Variants in KLHL29 observed in about 807,000 individuals in gnomAD.
The protein encoded by KLHL29 is kelch-like protein 29.
In KLHL29, 21 loss-of-function variants were observed where a neutral mutation model predicts 80.4. The ratio of observed to expected loss-of-function variants is 0.26; its 90% CI spans 0.19 to 0.38. The LOEUF is 0.38. KLHL29 is among the 10% of genes least tolerant of loss of function. KLHL29 has a pLI of 1.00. For synonymous variants in KLHL29, 511 were observed against 526.8 expected (o/e 0.97, Z 0.41); for missense variants, 867 against 1,223.9 (o/e 0.71, Z 4.35).
Position 23,539,431 on chromosome 2 carries a change from C to CTTTT in KLHL29, c.-45-22721_-45-22720insTTTT, listed in dbSNP as rs1666768797. 1.4e-4 allele frequency among the ~76,000 whole-genome samples: 15 copies of CTTTT among 107,216 alleles called. 5 individuals are homozygous for CTTTT. Among genetic ancestry groups the CTTTT allele is most frequent in the Admixed American group, 2.0e-4 (2 of 9,846 alleles). 70.3% of individuals were successfully genotyped at this position (107,216 alleles called of 152,430 possible). Reference sequence around the variant, plus strand: ...ATGCTTTGCTAGCCTTATCCTGCCTCCTTTTTTTTTTTTTTTTTTTTTTTT... The same window carrying CTTTT: ...ATGCTTTGCTAGCCTTATCCTGCCTCTTTTCTTTTTTTTTTTTTTTTTTTTTTTT... On this transcript the variant is annotated intron_variant, in intron 2 of 13. Coordinates refer to ENST00000486442, the MANE Select transcript of KLHL29 (RefSeq NM_052920.2).
chr2:23,493,526 A>G (rs1474661400), intron 2 of KLHL29, among the ~76,000 whole-genome samples: 1 of 152,214 alleles, frequency 6.6e-6, no homozygotes, highest in Non-Finnish European at 1.5e-5. Context: ...CAGTGAATAC[A>G]TTTATTTCTT....
chr2:23,632,979 C>G (rs56067817), intron 3 of KLHL29, among the ~76,000 whole-genome samples: 67,041 of 151,520 alleles, frequency 0.44, 15,292 homozygotes, highest in East Asian at 0.63. Flanking sequence ...TTCCAAAAGT[C>G]TGGCATGGCC....
intron 1 of KLHL29, among the ~76,000 whole-genome samples, chr2:23,431,594 A>G (rs1235144639): frequency 6.8e-6 from 1 of 147,750 alleles, no homozygotes; most frequent in Non-Finnish European, 1.5e-5. Flanking sequence ...TTTTTTTCTT[A>G]TTAAAAAAGC....
chr2:23,627,908 G>GTTTTTT lies in KLHL29; in HGVS notation c.286-11230_286-11229insTTTTTT, dbSNP rs1553347328. Among the ~76,000 whole-genome samples the GTTTTTT allele has an allele frequency of 1.9e-4, 7 of 37,276 alleles. 1 individual carries two copies. Among genetic ancestry groups the GTTTTTT allele is most frequent in the East Asian group, 2.8e-3 (1 of 358 alleles). 24.5% of individuals were successfully genotyped at this position (37,276 alleles called of 152,430 possible). ...CTGACTAGAAAGGAGGAGGCCAGGAGTCTTTTTTTTTTTTTTGAGATGGAG... is the reference window on the plus strand; with the variant it reads ...CTGACTAGAAAGGAGGAGGCCAGGAGTTTTTTTCTTTTTTTTTTTTTTGAGATGGAG... On this transcript the variant is annotated intron_variant, in intron 3 of 13. Transcript: ENST00000486442.
chr2:23,673,537 G>A (rs1041949104), intron 5 of KLHL29, among the ~76,000 whole-genome samples: 10 of 151,048 alleles, frequency 6.6e-5, no homozygotes, highest in African/African-American at 2.4e-4. Flanking sequence ...CATACATGAG[G>A]GCACATACAC....
At chr2:23,673,505 C>T (rs1332459264) in intron 5 of KLHL29, among the ~76,000 whole-genome samples, 2 of 151,860 alleles carry the variant, frequency 1.3e-5, no homozygotes, top group Non-Finnish European at 1.5e-5. Context: ...GCCCCCACAC[C>T]ACATGCTTCC....
chr2:23,640,664 C>T (rs968220506), intron 4 of KLHL29, among the ~76,000 whole-genome samples: 2 of 152,230 alleles, frequency 1.3e-5, no homozygotes, highest in South Asian at 2.1e-4. Context: ...CGACCTCTCT[C>T]GTTATCAAAA....
intron 2 of KLHL29, among the ~76,000 whole-genome samples, chr2:23,481,096 A>G (rs914550155): frequency 5.9e-5 from 9 of 152,216 alleles, no homozygotes; most frequent in African/African-American, 2.2e-4. Flanking sequence ...GATTTTTTAA[A>G]TTCTCATACC....
At chr2:23,668,230 C>T (rs949599934) in intron 5 of KLHL29, 1 of 152,272 alleles carries the variant, frequency 6.6e-6, no homozygotes, top group Non-Finnish European at 1.5e-5. Context: ...GCCGTCTATC[C>T]CACAGCATCT....
chr2:23,584,471 T>C (rs1197648100), intron 3 of KLHL29, among the ~76,000 whole-genome samples: 3 of 152,240 alleles, frequency 2.0e-5, no homozygotes, highest in African/African-American at 7.2e-5. Context: ...GCGGTGTTCA[T>C]GCTCGTAATT....
At chr2:23,528,819 T>C (rs1201498334) in intron 2 of KLHL29, among the ~76,000 whole-genome samples, 1 of 152,260 alleles carries the variant, frequency 6.6e-6, no homozygotes, top group African/African-American at 2.4e-5. Flanking sequence ...CTTTCTTTCC[T>C]GCCAGCGCAG....
intron 1 of KLHL29, among the ~76,000 whole-genome samples, chr2:23,392,729 C>T (rs749751290): frequency 6.6e-6 from 1 of 152,140 alleles, no homozygotes; most frequent in Non-Finnish European, 1.5e-5. Context: ...CTGTGTTTTC[C>T]TTTCTGCACA....
At chr2:23,394,010 C>T (rs1401574328) in intron 1 of KLHL29, among the ~76,000 whole-genome samples, 4 of 152,146 alleles carry the variant, frequency 2.6e-5, no homozygotes, top group African/African-American at 4.8e-5. Context: ...GAGGTGTGGG[C>T]GGTGAGGGAA....
chr2:23,641,945 C>G (rs1206497671), intron 4 of KLHL29, among the ~76,000 whole-genome samples: 6 of 152,208 alleles, frequency 3.9e-5, no homozygotes, highest in Non-Finnish European at 7.3e-5. Flanking sequence ...GATCGCGCCA[C>G]TACACTCCAG....
At chr2:23,591,982 T>A (rs1558400755) in intron 3 of KLHL29, among the ~76,000 whole-genome samples, 1 of 152,224 alleles carries the variant, frequency 6.6e-6, no homozygotes, top group Non-Finnish European at 1.5e-5. Context: ...TCAGAGCAGC[T>A]CCCCTTAGGA....
chr2:23,564,726 G>A (rs539939345), intron 3 of KLHL29, among the ~76,000 whole-genome samples: 273 of 152,336 alleles, frequency 1.8e-3, no homozygotes, highest in Non-Finnish European at 3.3e-3. Context: ...AGGTATTTGC[G>A]GTTTCCCCGG....
At chr2:23,654,414 ATG>A (rs544995947) in intron 5 of KLHL29, among the ~76,000 whole-genome samples, 157 of 152,318 alleles carry the variant, frequency 1.0e-3, no homozygotes, top group African/African-American at 3.7e-3. Flanking sequence ...CCATCTGCTC[ATG>A]TGAACAGGCA....
At chr2:23,452,057 T>C (rs917505328) in intron 1 of KLHL29, among the ~76,000 whole-genome samples, 3 of 151,974 alleles carry the variant, frequency 2.0e-5, no homozygotes, top group Non-Finnish European at 4.4e-5. Context: ...TTTCACCCAG[T>C]CTAGAGTGCA....
In KLHL29 at chr2:23,703,258, A is replaced by G. The variant is rs1381555097; in HGVS notation, c.2178A>G (p.Thr726=). The change falls in exon 12 of 14, where the codon ACA becomes ACG. Residue 726 remains threonine, a synonymous_variant. Transcript: ENST00000486442. ...AGGCAGTACACTCTGCTGCAGCCAC[A>G]GTGTGTGGCGGCAAGATCTACGTGT... The part of the protein sequence containing the change: ...LPKAVHSAAA[T]VCGGKIYVFG... The G allele has an allele frequency of 2.6e-6, 4 of 1,545,928 alleles. No homozygotes were observed. In the Admixed American group the frequency reaches 6.0e-5, roughly 23 times the overall value.
Sources: allele counts gnomAD v4.1 joint callset (sites outside exome capture counted in the v4.1 genomes callset), GRCh38; gene constraint gnomAD v4.1.1; transcripts MANE v1.5; gene names NCBI Gene and HGNC (gene_info 2026-07-23, HGNC 2026-07-21).